The following LRRC4C variants were observed in gnomAD, a reference collection of about 807,000 sequenced individuals.
LRRC4C encodes the protein leucine rich repeat containing 4C.
Under a neutral mutation model 33.6 loss-of-function variants are expected in LRRC4C, and 5 were observed. The observed-to-expected ratio is 0.15, with a 90% CI of 0.08 to 0.31. The LOEUF (loss-of-function observed/expected upper bound fraction) is 0.31. Among genes scored for constraint, LRRC4C ranks in the 10% least tolerant of loss-of-function variants. LRRC4C has a pLI of 1.00. For missense variants in LRRC4C, 560 were observed against 796.7 expected, an observed-to-expected ratio of 0.70 and a Z score of 3.58; for synonymous variants, 329 against 302.0, an observed-to-expected ratio of 1.09 and a Z score of -0.93.
At chr11:40,540,097 C>T (rs1011367374) in intron 3 of LRRC4C, among the ~76,000 whole-genome samples, 6 of 152,166 alleles carry the variant, frequency 3.9e-5, no homozygotes, top group Non-Finnish European at 7.4e-5. Context: ...CATTGGGACT[C>T]ATTGAGATTT....
intron 4 of LRRC4C, among the ~76,000 whole-genome samples, chr11:40,281,503 G>A (rs1044629938): frequency 3.9e-4 from 59 of 152,186 alleles, no homozygotes; most frequent in African/African-American, 1.3e-3. Context: ...TCTGAGATTT[G>A]GCTCAGGTTC....
chr11:40,665,328 AT>A (rs1943717673), intron 2 of LRRC4C, among the ~76,000 whole-genome samples: 85 of 6,906 alleles, frequency 0.012, no homozygotes, highest in Non-Finnish European at 0.022. Flanking sequence ...AAAAAAAAAT[AT>A]ATATATATAT....
chr11:40,670,824 C>T (rs191410123), intron 2 of LRRC4C, among the ~76,000 whole-genome samples: 1 of 152,250 alleles, frequency 6.6e-6, no homozygotes, highest in South Asian at 2.1e-4. Context: ...AGTGCAGTGA[C>T]GCATCCTCGG....
At chr11:40,361,227 T>C (rs1180172865) in intron 3 of LRRC4C, among the ~76,000 whole-genome samples, 1 of 152,090 alleles carries the variant, frequency 6.6e-6, no homozygotes, top group African/African-American at 2.4e-5. Context: ...TTTAACATAG[T>C]ATTGGAAGTT....
intron 1 of LRRC4C, among the ~76,000 whole-genome samples, chr11:41,007,533 C>G (rs1413408611): frequency 6.6e-6 from 1 of 151,926 alleles, no homozygotes. Flanking sequence ...AGGAATTTCT[C>G]CTATAGATGA....
At chr11:40,208,318 G>A (rs2135794167) in intron 5 of LRRC4C, among the ~76,000 whole-genome samples, 1 of 152,206 alleles carries the variant, frequency 6.6e-6, no homozygotes, top group East Asian at 1.9e-4. Context: ...TGGGAGGGAG[G>A]GAAGTCAATT....
intron 1 of LRRC4C, among the ~76,000 whole-genome samples, chr11:40,965,441 T>C (rs1458334089): frequency 5.3e-5 from 8 of 152,022 alleles, no homozygotes; most frequent in Admixed American, 2.0e-4. Flanking sequence ...GAAGTCCTTG[T>C]CCATGCCTAT....
At chr11:40,309,694 A>G (rs1590269711) in intron 4 of LRRC4C, among the ~76,000 whole-genome samples, 1 of 152,162 alleles carries the variant, frequency 6.6e-6, no homozygotes, top group East Asian at 1.9e-4. Flanking sequence ...TTTTGTAGAG[A>G]CGGATTTTCA....
At chr11:41,178,914 G>A (rs1160936095) in intron 1 of LRRC4C, among the ~76,000 whole-genome samples, 1 of 152,020 alleles carries the variant, frequency 6.6e-6, no homozygotes, top group Non-Finnish European at 1.5e-5. Flanking sequence ...TCTTGGCCAG[G>A]CTGGCCTTGA....
intron 1 of LRRC4C, among the ~76,000 whole-genome samples, chr11:41,367,512 A>T (rs555133381): frequency 4.6e-4 from 70 of 152,194 alleles, no homozygotes; most frequent in Non-Finnish European, 8.4e-4. Context: ...AACCAGATGC[A>T]CATAAACTCA....
chr11:40,716,800 A>G (rs1374210074), intron 2 of LRRC4C, among the ~76,000 whole-genome samples: 2 of 152,166 alleles, frequency 1.3e-5, no homozygotes, highest in East Asian at 1.9e-4. Context: ...CTATGGACCT[A>G]GAAAGCCAAA....
At chr11:41,400,131 C>G (rs1249149475) in intron 1 of LRRC4C, among the ~76,000 whole-genome samples, 6 of 151,942 alleles carry the variant, frequency 3.9e-5, no homozygotes, top group Non-Finnish European at 5.9e-5. Context: ...AAGTCAGACC[C>G]TAGTTCAAAT....
chr11:41,417,280 T>A (rs1954718296), intron 1 of LRRC4C, among the ~76,000 whole-genome samples: 1 of 152,098 alleles, frequency 6.6e-6, no homozygotes, highest in South Asian at 2.1e-4. Flanking sequence ...GTTGTAGCAA[T>A]GGCTAAAGTG....
chr11:40,441,998 TA>T (rs1951417204), intron 3 of LRRC4C, among the ~76,000 whole-genome samples: 1 of 151,484 alleles, frequency 6.6e-6, no homozygotes, highest in African/African-American at 2.4e-5. Context: ...CCATCTCTAC[TA>T]AAAAATACAA....
chr11:40,886,683 C>T (rs766833465), intron 2 of LRRC4C, among the ~76,000 whole-genome samples: 6 of 151,600 alleles, frequency 4.0e-5, no homozygotes, highest in Non-Finnish European at 8.8e-5. Context: ...TCTTTAAATA[C>T]AGAAACTTCT....
At chr11:40,127,074 C>T (rs551698298) in intron 6 of LRRC4C, among the ~76,000 whole-genome samples, 2 of 151,998 alleles carry the variant, frequency 1.3e-5, no homozygotes, top group East Asian at 1.9e-4. Context: ...GTTAAGAGAT[C>T]GAGACCATCC....
At chr11:40,260,549 T>TA (rs538563323) in intron 4 of LRRC4C, among the ~76,000 whole-genome samples, 9,535 of 142,942 alleles carry the variant, frequency 0.067, 992 homozygotes, top group African/African-American at 0.23. Flanking sequence ...AAACTTAAAG[T>TA]AAAAAAAAAA....
At chr11:41,090,432 A>T (rs1311486297) in intron 1 of LRRC4C, among the ~76,000 whole-genome samples, 1 of 152,124 alleles carries the variant, frequency 6.6e-6, no homozygotes, top group African/African-American at 2.4e-5. Context: ...AAAAAAATAA[A>T]GACACAAACA....
intron 2 of LRRC4C, among the ~76,000 whole-genome samples, chr11:40,834,718 T>A (rs1952582936): frequency 6.6e-6 from 1 of 152,104 alleles, no homozygotes; most frequent in Non-Finnish European, 1.5e-5. Flanking sequence ...GGTGGCTTAA[T>A]AATGGACACA....
Sources: allele counts gnomAD v4.1 joint callset (sites outside exome capture counted in the v4.1 genomes callset), GRCh38; gene constraint gnomAD v4.1.1; transcripts MANE v1.5; gene names NCBI Gene and HGNC (gene_info 2026-07-23, HGNC 2026-07-21).